Variants in NRG3 observed in about 807,000 individuals in gnomAD.
NRG3 encodes neuregulin 3, also known as pro-neuregulin-3, membrane-bound isoform.
In NRG3, 31 loss-of-function variants were observed where a neutral mutation model predicts 66.9. The observed-to-expected ratio is 0.46, with a 90% confidence interval of 0.35 to 0.63. NRG3 has a LOEUF of 0.63. Among genes scored for constraint, NRG3 ranks in the 20% least tolerant of loss-of-function variants. The probability of loss-of-function intolerance (pLI) is 0.00; values close to 1 mark genes in which losing one functional copy is unlikely to be tolerated. For missense variants in NRG3, 910 were observed against 878.9 expected, an observed-to-expected ratio of 1.04 and a Z score of -0.45; for synonymous variants, 393 against 359.4, an observed-to-expected ratio of 1.09 and a Z score of -1.06.
intron 1 of NRG3, among the ~76,000 whole-genome samples, chr10:82,152,605 A>G (rs1590321539): frequency 1.3e-5 from 2 of 152,136 alleles, no homozygotes; most frequent in African/African-American, 4.8e-5. Flanking sequence ...GGAACCTCAG[A>G]TTTGTACCAC....
chr10:82,983,617 C>T (rs1853148787), intron 8 of NRG3, among the ~76,000 whole-genome samples: 1 of 152,124 alleles, frequency 6.6e-6, no homozygotes, highest in African/African-American at 2.4e-5. Context: ...ACCTCTTAGT[C>T]TATTTTACGC....
At chr10:82,885,776 G>T (rs951407893) in intron 4 of NRG3, among the ~76,000 whole-genome samples, 2 of 152,134 alleles carry the variant, frequency 1.3e-5, no homozygotes, top group Non-Finnish European at 2.9e-5. Flanking sequence ...TGCCCAGTCT[G>T]GTTGCGAACT....
chr10:82,126,586 A>G (rs1264502508), intron 1 of NRG3, among the ~76,000 whole-genome samples: 2 of 152,064 alleles, frequency 1.3e-5, no homozygotes, highest in Non-Finnish European at 2.9e-5. Flanking sequence ...CTTTATAGTA[A>G]TTGGCATATA....
chr10:82,976,960 G>A (rs916996123), intron 7 of NRG3, among the ~76,000 whole-genome samples: 1 of 152,080 alleles, frequency 6.6e-6, no homozygotes, highest in African/African-American at 2.4e-5. Flanking sequence ...CTCATTTATT[G>A]CTTTTTTTGC....
chr10:82,709,618 A>AT (rs1218025807), intron 2 of NRG3, among the ~76,000 whole-genome samples: 2 of 151,954 alleles, frequency 1.3e-5, no homozygotes, highest in Non-Finnish European at 2.9e-5. Flanking sequence ...TGACCTCATG[A>AT]TCCCCCCGCC....
chr10:82,259,145 C>A, intron 1 of NRG3, among the ~76,000 whole-genome samples: 1 of 152,120 alleles, frequency 6.6e-6, no homozygotes, highest in Non-Finnish European at 1.5e-5. Context: ...GGGTTAATTT[C>A]AGACAAATAA....
At chr10:82,705,992 G>T (rs2056260598) in intron 2 of NRG3, among the ~76,000 whole-genome samples, 1 of 152,118 alleles carries the variant, frequency 6.6e-6, no homozygotes, top group African/African-American at 2.4e-5. Flanking sequence ...TTTATATTTA[G>T]AATTTTGTGC....
At chr10:81,981,689 G>A (rs533640693) in intron 1 of NRG3, among the ~76,000 whole-genome samples, 4 of 152,108 alleles carry the variant, frequency 2.6e-5, no homozygotes, top group Admixed American at 6.5e-5. Context: ...TGGCAGTCCC[G>A]CCAATCTCTG....
At chr10:82,755,723 A>G (rs996424041) in intron 3 of NRG3, among the ~76,000 whole-genome samples, 2 of 152,182 alleles carry the variant, frequency 1.3e-5, no homozygotes, top group Non-Finnish European at 2.9e-5. Context: ...ATTAATCCAC[A>G]TACAAACAAC....
chr10:82,560,049 A>G (rs998097871), intron 2 of NRG3, among the ~76,000 whole-genome samples: 1 of 151,742 alleles, frequency 6.6e-6, no homozygotes, highest in Non-Finnish European at 1.5e-5. Flanking sequence ...TTTCATTGTC[A>G]TCATCTTTCC....
chr10:82,406,793 A>G (rs1440550878), intron 2 of NRG3, among the ~76,000 whole-genome samples: 6 of 152,114 alleles, frequency 3.9e-5, no homozygotes. Context: ...CTTAGAAACT[A>G]GGTCTTTTGT....
intron 4 of NRG3, among the ~76,000 whole-genome samples, chr10:82,866,555 G>A (rs908621264): frequency 6.6e-6 from 1 of 152,150 alleles, no homozygotes; most frequent in African/African-American, 2.4e-5. Flanking sequence ...AAGGCAGACA[G>A]CTCAATTCCT....
chr10:82,428,197 C>T (rs1937979), intron 2 of NRG3, among the ~76,000 whole-genome samples: 30,043 of 151,468 alleles, frequency 0.2, 3,330 homozygotes, highest in East Asian at 0.34. Context: ...ACTATTTTTT[C>T]CAATCTAATC....
intron 3 of NRG3, among the ~76,000 whole-genome samples, chr10:82,808,730 T>C (rs1178743269): frequency 6.6e-6 from 1 of 152,216 alleles, no homozygotes; most frequent in Non-Finnish European, 1.5e-5. Flanking sequence ...TAAAGTAATC[T>C]CAAAATTATG....
At chr10:81,920,287 C>CT (rs1226285219) in intron 1 of NRG3, among the ~76,000 whole-genome samples, 1 of 152,152 alleles carries the variant, frequency 6.6e-6, no homozygotes, top group African/African-American at 2.4e-5. Context: ...GCTCCTCACC[C>CT]TTAGCACCCT....
chr10:82,693,753 C>T (rs1350968798), intron 2 of NRG3, among the ~76,000 whole-genome samples: 3 of 152,100 alleles, frequency 2.0e-5, no homozygotes, highest in Non-Finnish European at 4.4e-5. Context: ...GGTTCACTGA[C>T]TTCAAGAATG....
chr10:82,188,413 G>T (rs1281646769), intron 1 of NRG3, among the ~76,000 whole-genome samples: 2 of 152,082 alleles, frequency 1.3e-5, no homozygotes, highest in Non-Finnish European at 2.9e-5. Flanking sequence ...GATTTTTTGA[G>T]CAGTACCCCA....
At chr10:82,051,931 G>A (rs1223605218) in intron 1 of NRG3, among the ~76,000 whole-genome samples, 1 of 151,930 alleles carries the variant, frequency 6.6e-6, no homozygotes. Flanking sequence ...TTAAAGCATT[G>A]TGAGTTGGCT....
chr10:82,418,439 T>A lies in NRG3; in HGVS notation c.953+59571T>A, dbSNP rs545909887. Among the ~76,000 whole-genome samples, 3 of 148,698 alleles carry A rather than the reference T, an allele frequency of 2.0e-5. No homozygotes were observed. In the South Asian group the frequency reaches 6.3e-4, roughly 31 times the overall value. ...CAGTTTATGCAAATGTTTATGCAAA[T>A]TAACCAGTTTATGCAAATGAAAAGA... is the stretch of plus-strand genomic sequence containing the variant. On this transcript the variant is annotated intron_variant, in intron 2 of 8. Transcript: ENST00000372141.
Sources: gnomAD v4.1 joint callset for allele counts (sites outside exome capture counted in the v4.1 genomes callset) on GRCh38, gnomAD v4.1.1 for gene constraint, MANE v1.5 for transcripts, NCBI Gene and HGNC (gene_info 2026-07-23, HGNC 2026-07-21) for gene names.